Variants in VPS13B observed in about 807,000 individuals in gnomAD.
VPS13B encodes the protein vacuolar protein sorting 13 homolog B.
In VPS13B, 285 loss-of-function variants were observed where a neutral mutation model predicts 426.4. The observed-to-expected ratio is 0.67, with a 90% CI of 0.61 to 0.74. The LOEUF (loss-of-function observed/expected upper bound fraction) is 0.74. Ranked by LOEUF, VPS13B falls within the 30% of genes least tolerant of loss-of-function variation. The probability of loss-of-function intolerance (pLI) is 0.00; values close to 1 mark genes in which losing one functional copy is unlikely to be tolerated. For missense variants in VPS13B, 4,537 were observed against 4,782.6 expected (o/e 0.95, Z 1.51); for synonymous variants, 1,676 against 1,676.4 (o/e 1.00, Z 0.01).
chr8:99,204,534 C>A (rs1210695719), intron 17 of VPS13B, among the ~76,000 whole-genome samples: 1 of 152,202 alleles, frequency 6.6e-6, no homozygotes, highest in Admixed American at 6.5e-5. Flanking sequence ...GAAAGAGCTT[C>A]TGCACAGCCA....
intron 30 of VPS13B, among the ~76,000 whole-genome samples, chr8:99,526,508 C>G (rs907409087): frequency 2.6e-5 from 4 of 152,028 alleles, no homozygotes; most frequent in African/African-American, 9.7e-5. Flanking sequence ...TGGTCAGATT[C>G]TGGAGATGTT....
intron 58 of VPS13B, among the ~76,000 whole-genome samples, chr8:99,866,986 T>C (rs1817141306): frequency 1.3e-5 from 2 of 152,228 alleles, no homozygotes; most frequent in African/African-American, 2.4e-5. Context: ...GCAGCACGAC[T>C]CTAGGCTGGG....
At chr8:99,349,986 G>T (rs1811788671) in intron 19 of VPS13B, among the ~76,000 whole-genome samples, 1 of 152,142 alleles carries the variant, frequency 6.6e-6, no homozygotes, top group Non-Finnish European at 1.5e-5. Flanking sequence ...AATTGCGATT[G>T]CAGTAAACAT....
At position 99,577,829 on chromosome 8, in the gene VPS13B, A is replaced by G. The variant is rs1825848395; in HGVS notation, c.5220+196A>G. The G allele has an allele frequency of 1.1e-5, 8 of 751,938 alleles. No homozygotes were observed. In the South Asian group the frequency reaches 1.3e-4, roughly 12 times the overall value. The allele number at this position is 751,938 out of a possible 1,614,324, so 46.6% of individuals were successfully genotyped here. On this transcript the variant is annotated intron_variant, in intron 33 of 61. Transcript: ENST00000357162. ...TGTTTGGTCTCTATTCCTCTTATTT[A>G]TCATGTACCTTTGCAAAATTGCTGT... is the stretch of plus-strand genomic sequence containing the variant.
intron 33 of VPS13B, among the ~76,000 whole-genome samples, chr8:99,605,450 A>G (rs1397843959): frequency 1.3e-5 from 2 of 152,152 alleles, no homozygotes; most frequent in Non-Finnish European, 2.9e-5. Context: ...CAATCTATAG[A>G]TAACTCTAAT....
At chr8:99,832,121 G>A (rs1035755782) in intron 51 of VPS13B, among the ~76,000 whole-genome samples, 5 of 151,892 alleles carry the variant, frequency 3.3e-5, no homozygotes, top group Non-Finnish European at 7.4e-5. Context: ...AATTAGCCGG[G>A]CGTGGTGGCA....
chr8:99,600,287 T>G (rs978055854), intron 33 of VPS13B, among the ~76,000 whole-genome samples: 9 of 152,272 alleles, frequency 5.9e-5, no homozygotes, highest in African/African-American at 2.2e-4. Flanking sequence ...AAGGAAGTCC[T>G]GTAACTTGTA....
intron 22 of VPS13B, among the ~76,000 whole-genome samples, chr8:99,433,666 T>C (rs767111030): frequency 6.6e-6 from 1 of 152,174 alleles, no homozygotes; most frequent in African/African-American, 2.4e-5. Flanking sequence ...TTTCAGAAAG[T>C]AATGAAGTAT....
chr8:99,479,538 C>T (rs199679392), intron 24 of VPS13B, among the ~76,000 whole-genome samples: 1 of 152,202 alleles, frequency 6.6e-6, no homozygotes, highest in East Asian at 1.9e-4. Context: ...TACATACACA[C>T]ATGAAACTAC....
chr8:99,721,500 A>T (rs550506692), intron 39 of VPS13B, among the ~76,000 whole-genome samples: 1 of 152,194 alleles, frequency 6.6e-6, no homozygotes, highest in Non-Finnish European at 1.5e-5. Flanking sequence ...TGATTTTTCT[A>T]TTAAAGAAAA....
intron 19 of VPS13B, among the ~76,000 whole-genome samples, chr8:99,362,030 C>A (rs1307029325): frequency 6.6e-6 from 1 of 152,024 alleles, no homozygotes; most frequent in Admixed American, 6.6e-5. Flanking sequence ...CCAAAGTCTT[C>A]TGCTCCTCTC....
rs183177286 is a variant in VPS13B, at chr8:99,556,687, T to C, written c.4949+34T>C. On this transcript the variant is annotated intron_variant, in intron 31 of 61. Coordinates refer to ENST00000357162, the MANE Select transcript of VPS13B (RefSeq NM_152564.5). Reference sequence around the variant, plus strand: ...TGATTGAGAAACTTTCTACTCTTTCTAATACTTCATTGCCAGAATAGTTGG... The same window carrying C: ...TGATTGAGAAACTTTCTACTCTTTCCAATACTTCATTGCCAGAATAGTTGG... The C allele has an allele frequency of 9.9e-5, 158 of 1,600,832 alleles. No individual in the cohort carries two copies. The East Asian group carries it at 3.1e-3, about 32-fold the overall frequency.
At chr8:99,505,181 A>T (rs1431674461) in intron 27 of VPS13B, among the ~76,000 whole-genome samples, 1 of 152,130 alleles carries the variant, frequency 6.6e-6, no homozygotes, top group Non-Finnish European at 1.5e-5. Context: ...TACCCAGACC[A>T]CTCAGACTTT....
chr8:99,493,236 A>G (rs1360791222), intron 25 of VPS13B, among the ~76,000 whole-genome samples: 3 of 152,106 alleles, frequency 2.0e-5, no homozygotes, highest in African/African-American at 7.2e-5. Context: ...GTTGAATTCT[A>G]TATTTTTTTC....
intron 17 of VPS13B, among the ~76,000 whole-genome samples, chr8:99,222,629 G>C (rs551382064): frequency 1.3e-5 from 2 of 152,236 alleles, no homozygotes; most frequent in South Asian, 4.2e-4. Context: ...TTAAAAACTC[G>C]AACAGGATGA....
intron 19 of VPS13B, among the ~76,000 whole-genome samples, chr8:99,382,074 C>T (rs764270851): frequency 2.0e-5 from 3 of 152,084 alleles, no homozygotes; most frequent in South Asian, 2.1e-4. Context: ...CCATTTATTG[C>T]GTAGGGAATC....
At chr8:99,731,564 T>C (rs913800155) in intron 39 of VPS13B, among the ~76,000 whole-genome samples, 11 of 152,100 alleles carry the variant, frequency 7.2e-5, no homozygotes, top group Non-Finnish European at 4.4e-5. Context: ...TTTGGAAACA[T>C]TAGTAGTCTT....
chr8:99,232,982 G>C (rs1797634929), intron 17 of VPS13B: 7 of 723,188 alleles, frequency 9.7e-6, no homozygotes, highest in African/African-American at 1.8e-5. Flanking sequence ...GCTGTGTTTG[G>C]TCTCATTTTG....
At position 99,115,702 on chromosome 8, in the gene VPS13B, T is replaced by G; in HGVS notation, c.765T>G (p.Ile255Met). The change falls in exon 7 of 62, where the codon ATT becomes ATG. Residue 255 changes from isoleucine (I) to methionine (M), a missense_variant and splice_region_variant. Ile to Met is a conservative substitution (Grantham distance 10). This residue lies in a region of VPS13B where 4,311 missense variants were observed against 4,474.3 expected (regional missense o/e 0.96). Coordinates refer to ENST00000357162, the MANE Select transcript of VPS13B (RefSeq NM_152564.5). ...LNSKMPSVIK[I>M]HTLVESLKLS... ...GTTATGTCTTTTTCAAAATGCAGAT[T>G]CATACTTTAGTGGAAAGTTTGAAAC... is the stretch of plus-strand genomic sequence containing the variant. 2.5e-6 allele frequency: 4 copies of G among 1,612,780 alleles called. No homozygotes were observed. Among genetic ancestry groups the G allele is most frequent in the Non-Finnish European group, 3.4e-6 (4 of 1,179,416 alleles).
Sources: gnomAD v4.1 joint callset for allele counts (sites outside exome capture counted in the v4.1 genomes callset) on GRCh38, gnomAD v4.1.1 for gene constraint, gnomAD v4.1.1 regional missense constraint, MANE v1.5 for transcripts, NCBI Gene and HGNC (gene_info 2026-07-23, HGNC 2026-07-21) for gene names.